The following NINL variants were observed in gnomAD, a reference collection of about 807,000 sequenced individuals.
NINL encodes ninein-like protein.
NINL carries 153 observed loss-of-function variants against 160.3 expected under a neutral mutation model. The ratio of observed to expected loss-of-function variants is 0.95; its 90% CI spans 0.84 to 1.09. The LOEUF (loss-of-function observed/expected upper bound fraction) is 1.09, where lower values mean the gene tolerates loss of function less well. NINL is among the 50% of genes least tolerant of loss of function. The probability of loss-of-function intolerance (pLI) is 0.00; values close to 1 mark genes in which losing one functional copy is unlikely to be tolerated. For missense variants in NINL, 1,829 were observed against 1,764.0 expected (o/e 1.04, Z -0.66); for synonymous variants, 800 against 734.8 (o/e 1.09, Z -1.43).
intron 1 of NINL, among the ~76,000 whole-genome samples, chr20:25,567,127 A>C (rs2065006617): frequency 6.6e-6 from 1 of 152,218 alleles, no homozygotes; most frequent in Non-Finnish European, 1.5e-5. Flanking sequence ...TTTCTTTTAA[A>C]ACAATACCTT....
chr20:25,510,325 G>A (rs1369753657), intron 5 of NINL, among the ~76,000 whole-genome samples: 1 of 152,252 alleles, frequency 6.6e-6, no homozygotes, highest in African/African-American at 2.4e-5. Flanking sequence ...TGAGGTGACA[G>A]GGCCAAGCAA....
At position 25,453,243 on chromosome 20, in the gene NINL, G is replaced by C; in HGVS notation, c.*208C>G. On this transcript the variant is annotated 3_prime_UTR_variant, in exon 24 of 24. Transcript: ENST00000278886. ...ATTACTCAGGACCGCTAATAAAAAC[G>C]CCGGCTTCTGCAACATGCATATTCC... 2.3e-6 allele frequency: 1 copy of C among 438,326 alleles called. No individual in the cohort carries two copies. The highest frequency in any genetic ancestry group is 3.9e-6 in the Non-Finnish European group (1 of 253,190). The allele number at this position is 438,326 out of a possible 1,614,324, so 27.2% of individuals were successfully genotyped here.
At chr20:25,482,824 G>A (rs2063421592) in intron 13 of NINL, among the ~76,000 whole-genome samples, 1 of 150,826 alleles carries the variant, frequency 6.6e-6, no homozygotes, top group Non-Finnish European at 1.5e-5. Flanking sequence ...AGGAGTTTGA[G>A]ACCAGCCTGG....
chr20:25,504,647 C>T (rs1293299368), intron 6 of NINL, among the ~76,000 whole-genome samples: 1 of 152,180 alleles, frequency 6.6e-6, no homozygotes, highest in Non-Finnish European at 1.5e-5. Context: ...ACAGGAAGTG[C>T]CTGCTACACC....
chr20:25,469,854 G>C (rs2063049232), intron 18 of NINL, 137 bp downstream of exon 18: 1 of 654,770 alleles, frequency 1.5e-6, no homozygotes, highest in South Asian at 1.9e-5. Flanking sequence ...AGTTAACAAG[G>C]CTCATGGTTT....
rs762343106 is a variant in NINL at position 25,510,673 on chromosome 20, C to T, written c.517+1G>A. On this transcript the variant is annotated splice_donor_variant, in intron 5 of 23. Transcript: ENST00000278886. LOFTEE classifies it high-confidence loss of function. ...CACTGAATGCGAGGCTGAGGCTTTA[C>T]CTTGTGCTTCAAATAATTCATTCTG... 9 of 1,613,634 alleles carry T rather than the reference C, an allele frequency of 5.6e-6. No individual in the cohort carries two copies. The highest frequency in any genetic ancestry group is 7.6e-6 in the Non-Finnish European group (9 of 1,179,832).
At chr20:25,482,525 A>G (rs1403942697) in intron 13 of NINL, among the ~76,000 whole-genome samples, 4 of 151,618 alleles carry the variant, frequency 2.6e-5, no homozygotes, top group Non-Finnish European at 2.9e-5. Flanking sequence ...TTATTTTTCT[A>G]TTTTTAGTAG....
rs376279231 is a variant in NINL at position 25,476,271 on chromosome 20, G to T, written c.3020C>A (p.Pro1007His). Residue 1007 changes from proline (P) to histidine (H), a missense_variant, in exon 17 of 24, where the codon CCT becomes CAT. By Grantham distance (77) the Pro-to-His change is moderately conservative. Coordinates refer to ENST00000278886, the MANE Select transcript of NINL (RefSeq NM_025176.6). ...CTCCACACTGTGCTTGTGACACCCA[G>T]GCTCCAGGGCGCCCTCGGCCCGGGC... is the stretch of plus-strand genomic sequence containing the variant. ...QQARAEGALE[P>H]GCHKHSVEVA... is the part of the protein sequence containing the mutation. 6.2e-7 allele frequency: 1 copy of T among 1,613,686 alleles called. No individual in the cohort carries two copies. The highest frequency in any genetic ancestry group is 1.3e-5 in the African/African-American group (1 of 75,042).
chr20:25,475,154 C>G (rs879876898), intron 17 of NINL, among the ~76,000 whole-genome samples: 4 of 151,512 alleles, frequency 2.6e-5, no homozygotes, highest in Non-Finnish European at 2.9e-5. Context: ...GAGGCTGAGG[C>G]AGGAGAATCG....
At chr20:25,557,803 G>A (rs890268479) in intron 1 of NINL, among the ~76,000 whole-genome samples, 3 of 152,054 alleles carry the variant, frequency 2.0e-5, no homozygotes, top group African/African-American at 7.2e-5. Flanking sequence ...AGAGGTAGAT[G>A]ATCTTAACAA....
chr20:25,516,313 T>TGTTGA (rs1383204657), intron 3 of NINL, among the ~76,000 whole-genome samples: 1 of 152,026 alleles, frequency 6.6e-6, no homozygotes, highest in Non-Finnish European at 1.5e-5. Flanking sequence ...AATACAGAAG[T>TGTTGA]GTTGATAAGG....
chr20:25,572,997 T>C (rs1030337161), intron 1 of NINL, among the ~76,000 whole-genome samples: 49 of 152,224 alleles, frequency 3.2e-4, no homozygotes, highest in African/African-American at 1.1e-3. Flanking sequence ...ATGTTGACTA[T>C]AAAGAAATAA....
At chr20:25,529,410 C>T (rs1024595426) in intron 1 of NINL, among the ~76,000 whole-genome samples, 4 of 152,112 alleles carry the variant, frequency 2.6e-5, no homozygotes, top group East Asian at 1.9e-4. Flanking sequence ...ATGAACAAAC[C>T]GGTTCATAGT....
At chr20:25,478,773 C>T (rs561150087) in intron 16 of NINL, 150 bp downstream of exon 16, 2 of 757,658 alleles carry the variant, frequency 2.6e-6, no homozygotes, top group Admixed American at 5.7e-5. Flanking sequence ...CATGCCAGGA[C>T]CTGTTCTTTT....
At position 25,480,253 on chromosome 20, in the gene NINL, C is replaced by T. The variant is rs1014387978; in HGVS notation, c.1825G>A (p.Gly609Ser). Residue 609 changes from glycine (G) to serine (S), a missense_variant, in exon 15 of 24, where the codon GGT becomes AGT. Coordinates refer to ENST00000278886, the MANE Select transcript of NINL (RefSeq NM_025176.6). Reference protein sequence around the residue: ...GLGPAGISFLGNSAPVSIETE... With the variant: ...GLGPAGISFLSNSAPVSIETE... Reference sequence around the variant, plus strand: ...TCTATACTCACTGGAGCAGAATTACCCAGGAATGAAATGCCTGCAAACAAG... The same window carrying T: ...TCTATACTCACTGGAGCAGAATTACTCAGGAATGAAATGCCTGCAAACAAG... 3.7e-6 allele frequency: 6 copies of T among 1,613,832 alleles called. No individual in the cohort carries two copies. In the African/African-American group the frequency reaches 8.0e-5, roughly 22 times the overall value.
intron 19 of NINL, among the ~76,000 whole-genome samples, chr20:25,466,808 C>A (rs117001548): frequency 0.016 from 2,439 of 151,866 alleles, 27 homozygotes; most frequent in Non-Finnish European, 0.027. Context: ...TCAAAAAAAA[C>A]CCCCAAAATT....
intron 1 of NINL, among the ~76,000 whole-genome samples, chr20:25,548,687 C>T (rs1165512626): frequency 2.7e-5 from 4 of 150,826 alleles, no homozygotes. Context: ...ACACCTCCCA[C>T]ACCCAGCCCC....
chr20:25,500,796 C>A (rs769029094), intron 8 of NINL, 44 bp downstream of exon 8: 1 of 1,588,134 alleles, frequency 6.3e-7, no homozygotes, highest in Non-Finnish European at 8.6e-7. Flanking sequence ...GCAGACGGGC[C>A]CCCCAGGTCC....
chr20:25,465,946 G>A (rs1030923209), intron 19 of NINL, among the ~76,000 whole-genome samples: 12 of 152,290 alleles, frequency 7.9e-5, no homozygotes, highest in African/African-American at 1.9e-4. Flanking sequence ...GTGGCGAGGC[G>A]GGAGATGCAC....
Sources: allele counts gnomAD v4.1 joint callset (sites outside exome capture counted in the v4.1 genomes callset), GRCh38; gene constraint gnomAD v4.1.1; transcripts MANE v1.5; gene names NCBI Gene and HGNC (gene_info 2026-07-23, HGNC 2026-07-21).